SGMS1: variants seen among roughly 807,000 people sequenced by gnomAD.
The protein encoded by SGMS1 is sphingomyelin synthase 1, also known as phosphatidylcholine:ceramide cholinephosphotransferase 1.
SGMS1 carries 13 observed loss-of-function variants against 46.2 expected under a neutral mutation model. The observed-to-expected ratio is 0.28, with a 90% CI of 0.18 to 0.45. The LOEUF (loss-of-function observed/expected upper bound fraction) is 0.45. Among genes scored for constraint, SGMS1 ranks in the 20% least tolerant of loss-of-function variants. The pLI, the probability that SGMS1 is intolerant of heterozygous loss-of-function variation, is 1.00. For missense variants in SGMS1, 324 were observed against 519.9 expected (o/e 0.62, Z 3.66); for synonymous variants, 203 against 187.8 (o/e 1.08, Z -0.66).
intron 8 of SGMS1, among the ~76,000 whole-genome samples, chr10:50,319,096 A>G (rs754813587): frequency 4.0e-5 from 6 of 151,660 alleles, no homozygotes; most frequent in Non-Finnish European, 8.8e-5. Flanking sequence ...CTTTAACAAA[A>G]TCACATCTCC....
chr10:50,410,371 C>T (rs1196015969), intron 6 of SGMS1, among the ~76,000 whole-genome samples: 1 of 152,082 alleles, frequency 6.6e-6, no homozygotes, highest in Non-Finnish European at 1.5e-5. Flanking sequence ...CCAAGGCTGT[C>T]CTTTAGTCTT....
chr10:50,476,478 GA>G (rs1837429164), intron 3 of SGMS1, among the ~76,000 whole-genome samples: 2 of 152,148 alleles, frequency 1.3e-5, no homozygotes, highest in Admixed American at 1.3e-4. Context: ...AGACATGGTA[GA>G]AAAGAAAAAC....
chr10:50,434,650 G>T (rs2133621645), intron 5 of SGMS1, among the ~76,000 whole-genome samples: 1 of 151,490 alleles, frequency 6.6e-6, no homozygotes, highest in South Asian at 2.1e-4. Context: ...GCTGAGACGG[G>T]CAGATCACAG....
intron 6 of SGMS1, among the ~76,000 whole-genome samples, chr10:50,422,024 C>G (rs889169838): frequency 4.6e-5 from 7 of 152,148 alleles, no homozygotes; most frequent in South Asian, 4.1e-4. Flanking sequence ...CACTGAAACC[C>G]TTTCTTCTCC....
chr10:50,308,787 G>A (rs958243411), intron 9 of SGMS1, among the ~76,000 whole-genome samples: 1 of 152,172 alleles, frequency 6.6e-6, no homozygotes, highest in Non-Finnish European at 1.5e-5. Context: ...TATTAGTGCA[G>A]GCCTTTCTAC....
In SGMS1 at chr10:50,574,963, G is replaced by GTATATATATATATATA. The variant is rs143713324; in HGVS notation, c.-589+15174_-589+15189dup. 4.2e-3 allele frequency among the ~76,000 whole-genome samples: 424 copies of GTATATATATATATATA among 99,788 alleles called. 9 individuals carry two copies. The highest frequency in any genetic ancestry group is 0.038 in the East Asian group (78 of 2,036). The allele number at this position is 99,788 out of a possible 152,430, so 65.5% of individuals were successfully genotyped here. A position where few individuals can be genotyped will look rare whatever the true frequency, so the allele number is the denominator to read the frequency against. On this transcript the variant is annotated intron_variant, in intron 2 of 10. Coordinates refer to ENST00000361781, the MANE Select transcript of SGMS1 (RefSeq NM_147156.4). ...AAACATTTTAAAAGGAAAATGTGGT[G>GTATATATATATATATA]TATATATATATATATATATATAAAA...
intron 4 of SGMS1, among the ~76,000 whole-genome samples, chr10:50,465,668 CAACT>C (rs1837319977): frequency 6.6e-6 from 1 of 151,770 alleles, no homozygotes; most frequent in African/African-American, 2.4e-5. Context: ...TGAAAATACC[CAACT>C]AACAGACTAA....
Position 50,489,736 on chromosome 10 carries a change from G to A in SGMS1, c.-497-22804C>T, listed in dbSNP as rs1588851195. 5.9e-5 allele frequency among the ~76,000 whole-genome samples: 9 copies of A among 152,332 alleles called. No individual in the cohort carries two copies. The South Asian group carries it at 1.9e-3, about 32-fold the overall frequency. ...CACGCCTGTAATCCCAGCACTTTGG[G>A]AGGCTAAGGTGGGTAGATCATGAGG... On this transcript the variant is annotated intron_variant, in intron 3 of 10. Transcript: ENST00000361781.
intron 7 of SGMS1, among the ~76,000 whole-genome samples, chr10:50,340,033 G>A (rs1256388242): frequency 6.6e-6 from 1 of 152,154 alleles, no homozygotes; most frequent in Admixed American, 6.5e-5. Context: ...CTGGATAAAA[G>A]GAACTGAGGA....
chr10:50,618,914 C>T (rs1838822274), intron 1 of SGMS1, among the ~76,000 whole-genome samples: 1 of 152,138 alleles, frequency 6.6e-6, no homozygotes, highest in Admixed American at 6.5e-5. Context: ...GTATTTCTAA[C>T]AGTTCAGAGT....
intron 7 of SGMS1, chr10:50,334,616 T>A (rs1470319768): frequency 4.6e-5 from 7 of 152,228 alleles, no homozygotes; most frequent in African/African-American, 1.2e-4. Context: ...CTAACATTTA[T>A]TGAATTCTAG....
chr10:50,556,880 G>A (rs1489886615), intron 2 of SGMS1, among the ~76,000 whole-genome samples: 2 of 152,182 alleles, frequency 1.3e-5, no homozygotes, highest in Non-Finnish European at 2.9e-5. Flanking sequence ...TAAAGGTTAA[G>A]GCCAACATTT....
At chr10:50,564,405 A>T (rs1160445738) in intron 2 of SGMS1, among the ~76,000 whole-genome samples, 1 of 152,202 alleles carries the variant, frequency 6.6e-6, no homozygotes, top group Non-Finnish European at 1.5e-5. Flanking sequence ...GTTTAAAGGC[A>T]CCTGCAATAT....
intron 6 of SGMS1, among the ~76,000 whole-genome samples, chr10:50,352,787 C>T (rs1848043787): frequency 6.6e-6 from 1 of 152,102 alleles, no homozygotes; most frequent in Non-Finnish European, 1.5e-5. Context: ...ATACAAACTA[C>T]CATCAGAGAA....
intron 6 of SGMS1, among the ~76,000 whole-genome samples, chr10:50,389,225 G>A (rs934558515): frequency 6.6e-6 from 1 of 152,134 alleles, no homozygotes; most frequent in African/African-American, 2.4e-5. Flanking sequence ...ATCATCCCAA[G>A]GGGCTCTAAT....
chr10:50,563,969 G>A (rs1355811829), intron 2 of SGMS1, among the ~76,000 whole-genome samples: 1 of 152,196 alleles, frequency 6.6e-6, no homozygotes, highest in African/African-American at 2.4e-5. Context: ...ACCAGATCCT[G>A]CAAGCAGGCG....
At chr10:50,451,518 A>G (rs556099303) in intron 5 of SGMS1, among the ~76,000 whole-genome samples, 1 of 152,214 alleles carries the variant, frequency 6.6e-6, no homozygotes, top group South Asian at 2.1e-4. Flanking sequence ...AGCTTAAGTC[A>G]CACAAAATAT....
chr10:50,327,030 C>T (rs575077239), intron 8 of SGMS1, among the ~76,000 whole-genome samples, 175 bp downstream of exon 8: 4 of 150,808 alleles, frequency 2.7e-5, no homozygotes, highest in East Asian at 3.9e-4. Flanking sequence ...ACTGGCAGGG[C>T]TTAGAGATTC....
intron 2 of SGMS1, among the ~76,000 whole-genome samples, chr10:50,588,772 T>C (rs1554794444): frequency 6.8e-6 from 1 of 146,030 alleles, no homozygotes; most frequent in Non-Finnish European, 1.5e-5. Context: ...CTCTGTCACT[T>C]AGACTGGAGT....
Sources: allele counts gnomAD v4.1 joint callset (sites outside exome capture counted in the v4.1 genomes callset), GRCh38; gene constraint gnomAD v4.1.1; transcripts MANE v1.5; gene names NCBI Gene and HGNC (gene_info 2026-07-23, HGNC 2026-07-21).